The following GALNT8 variants were observed in gnomAD, a reference collection of about 807,000 sequenced individuals.
GALNT8 encodes probable polypeptide N-acetylgalactosaminyltransferase 8.
In GALNT8, 66 loss-of-function variants were observed where a neutral mutation model predicts 62.7. The ratio of observed to expected loss-of-function variants is 1.05; its 90% CI spans 0.86 to 1.29. The LOEUF is 1.29. GALNT8 is among the 50% of genes most tolerant of loss of function. The pLI is 0.00. For synonymous variants in GALNT8, 288 were observed against 294.3 expected (o/e 0.98, Z 0.22); for missense variants, 771 against 791.8 (o/e 0.97, Z 0.32).
At chr12:4,733,424 G>A (rs180758351) in intron 2 of GALNT8, among the ~76,000 whole-genome samples, 1 of 152,302 alleles carries the variant, frequency 6.6e-6, no homozygotes, top group Non-Finnish European at 1.5e-5. Flanking sequence ...ACGGATAAGA[G>A]AAGTGTCGTG....
intron 3 of GALNT8, 56 bp from the exon 4 acceptor site, chr12:4,744,461 T>C (rs1946286647): frequency 7.9e-7 from 1 of 1,268,210 alleles, no homozygotes; most frequent in African/African-American, 1.5e-5. Context: ...ATAAAACTTT[T>C]GTATCACGTT....
chr12:4,763,195 C>T, intron 7 of GALNT8, 58 bp from the exon 8 acceptor site: 4 of 1,461,698 alleles, frequency 2.7e-6, no homozygotes, highest in East Asian at 4.5e-5. Flanking sequence ...ATATTTAGTT[C>T]GCTTTAACAG....
At chr12:4,735,572 T>C in intron 2 of GALNT8, among the ~76,000 whole-genome samples, 1 of 152,158 alleles carries the variant, frequency 6.6e-6, no homozygotes, top group East Asian at 1.9e-4. Context: ...AGAGAGACAA[T>C]TGTGACTCCC....
In GALNT8 at chr12:4,726,758, G is replaced by C; in HGVS notation, c.438G>C (p.Lys146Asn). The change falls in exon 2 of 11, where the codon AAG (lysine) becomes AAC (asparagine). Residue 146 changes from lysine (K) to asparagine (N), a missense_variant. Transcript: ENST00000252318. The surrounding 1 kb of genome is among the most constrained non-coding windows in gnomAD (Gnocchi z 4.1). ...AGGCGGCCCAGGACCTCTTCCGGAA[G>C]TTTGGTTACAACGCGTACCTCAGCA... ...QQKAAQDLFR[K>N]FGYNAYLSNQ... is the part of the protein sequence containing the mutation. 2 of 1,614,090 alleles carry C rather than the reference G, an allele frequency of 1.2e-6. No individual in the cohort carries two copies. The highest frequency in any genetic ancestry group is 1.7e-6 in the Non-Finnish European group (2 of 1,180,020).
chr12:4,736,379 C>G (rs1252195531), intron 2 of GALNT8, among the ~76,000 whole-genome samples: 5 of 152,116 alleles, frequency 3.3e-5, no homozygotes, highest in Non-Finnish European at 5.9e-5. Flanking sequence ...GCTGTGCTCT[C>G]TCAGGAGTTA....
In GALNT8 at chr12:4,765,503, A is replaced by C; in HGVS notation, c.1718A>C (p.Lys573Thr). 1 of 1,612,110 alleles carries C rather than the reference A, an allele frequency of 6.2e-7. No homozygotes were observed. Among genetic ancestry groups the C allele is most frequent in the Non-Finnish European group, 8.5e-7 (1 of 1,179,822 alleles). The change falls in exon 10 of 11, where the codon AAG (lysine) becomes ACG (threonine). Residue 573 changes from lysine to threonine, a missense_variant. Physicochemically the swap from Lys to Thr is moderately conservative, Grantham distance 78 (BLOSUM62 -1). Transcript: ENST00000252318. ...AEKPTLEPCSKAAKNRLHIYW... is the reference protein window; with the variant it reads ...AEKPTLEPCSTAAKNRLHIYW... ...AAGCCCACCTTAGAACCATGCTCCA[A>C]GGCAGCTAAGAATAGACTGCATATA...
Position 4,765,484 on chromosome 12 carries a change from A to G in GALNT8, c.1699A>G (p.Thr567Ala). Residue 567 changes from threonine to alanine, a missense_variant, in exon 10 of 11, where the codon ACC becomes GCC. Coordinates refer to ENST00000252318, the MANE Select transcript of GALNT8 (RefSeq NM_017417.2). The part of the protein sequence containing the change: ...LTDPGKAEKP[T>A]LEPCSKAAKN... Reference sequence around the variant, plus strand: ...AGACCCTGGCAAGGCGGAGAAGCCCACCTTAGAACCATGCTCCAAGGCAGC... The same window carrying G: ...AGACCCTGGCAAGGCGGAGAAGCCCGCCTTAGAACCATGCTCCAAGGCAGC... 6.2e-7 allele frequency: 1 copy of G among 1,611,438 alleles called. No individual in the cohort carries two copies. The highest frequency in any genetic ancestry group is 8.5e-7 in the Non-Finnish European group (1 of 1,179,618).
intron 2 of GALNT8, among the ~76,000 whole-genome samples, chr12:4,735,304 T>C (rs989352097): frequency 3.9e-5 from 6 of 152,190 alleles, no homozygotes; most frequent in African/African-American, 1.2e-4. Flanking sequence ...ATCTACTAAA[T>C]ATCCTTCAGA....
intron 9 of GALNT8, among the ~76,000 whole-genome samples, chr12:4,764,879 A>G (rs1443536341): frequency 3.3e-5 from 5 of 150,570 alleles, no homozygotes; most frequent in Non-Finnish European, 7.4e-5. Flanking sequence ...TTTTAGGGAC[A>G]ATATTCACAT....
At chr12:4,752,018 C>T (rs1345807626) in intron 6 of GALNT8, among the ~76,000 whole-genome samples, 4 of 152,106 alleles carry the variant, frequency 2.6e-5, no homozygotes, top group Admixed American at 2.6e-4. Context: ...TTCTTTGTCT[C>T]TTCTTATAGT....
intron 10 of GALNT8, among the ~76,000 whole-genome samples, chr12:4,768,766 C>T (rs1946410744): frequency 6.6e-6 from 1 of 152,154 alleles, no homozygotes; most frequent in Admixed American, 6.5e-5. Context: ...ATCCATCTTA[C>T]CTCTTAGGTC....
chr12:4,772,444 G>C lies in GALNT8; in HGVS notation c.1762-1G>C. On this transcript the variant is annotated splice_acceptor_variant, in intron 10 of 10. Coordinates refer to ENST00000252318, the MANE Select transcript of GALNT8 (RefSeq NM_017417.2). LOFTEE classifies it high-confidence loss of function. ...TTGGCTCTGTCTCTCTTCCCCTCCAGGGAGGAGCTGTCATAAACAGAGATA... is the reference window on the plus strand; with the variant it reads ...TTGGCTCTGTCTCTCTTCCCCTCCACGGAGGAGCTGTCATAAACAGAGATA... 1 of 1,613,086 alleles carries C rather than the reference G, an allele frequency of 6.2e-7. No homozygotes were observed. The highest frequency in any genetic ancestry group is 8.5e-7 in the Non-Finnish European group (1 of 1,179,508).
intron 8 of GALNT8, 40 bp downstream of exon 8, chr12:4,763,430 G>T: frequency 1.3e-6 from 2 of 1,538,730 alleles, no homozygotes; most frequent in South Asian, 2.3e-5. Flanking sequence ...TTAAATGTTT[G>T]ACTGTGAAAG....
chr12:4,744,298 T>A (rs1946285669), intron 3 of GALNT8, among the ~76,000 whole-genome samples: 1 of 152,180 alleles, frequency 6.6e-6, no homozygotes, highest in South Asian at 2.1e-4. Flanking sequence ...ATAGTTTAAC[T>A]GTCAGGGAAA....
At chr12:4,744,021 A>G (rs1290952071) in intron 3 of GALNT8, among the ~76,000 whole-genome samples, 1 of 152,242 alleles carries the variant, frequency 6.6e-6, no homozygotes, top group Non-Finnish European at 1.5e-5. Context: ...AGAAGCTGGC[A>G]AAGAGATTAA....
At chr12:4,745,742 G>T in intron 5 of GALNT8, 116 bp downstream of exon 5, 1 of 753,866 alleles carries the variant, frequency 1.3e-6, no homozygotes, top group South Asian at 1.5e-5. Flanking sequence ...GGAGGGGAGG[G>T]GATGAGGTGA....
chr12:4,764,108 A>G (rs1341196923), intron 9 of GALNT8, 61 bp downstream of exon 9: 1 of 924,868 alleles, frequency 1.1e-6, no homozygotes, highest in Non-Finnish European at 1.8e-6. Flanking sequence ...AGCCCCTGGT[A>G]ACCATTGCTG....
chr12:4,737,495 G>A (rs929466478), intron 2 of GALNT8, among the ~76,000 whole-genome samples: 13 of 152,126 alleles, frequency 8.5e-5, no homozygotes, highest in African/African-American at 3.1e-4. Context: ...GAGAAGAGGT[G>A]AAAAGGAATC....
Position 4,749,711 on chromosome 12 carries a change from T to C in GALNT8, c.1173+3453T>C, listed in dbSNP as rs1046557927. On this transcript the variant is annotated intron_variant, in intron 6 of 10. Transcript: ENST00000252318. This position sits in a 1 kb window ranked among gnomAD's most constrained non-coding sequence, Gnocchi z 4.1. ...AGTTTGGAAATGTTCCCTCCTGTATTTTTTGGAAAAATTTAAGTAGGATTG... is the reference window on the plus strand; with the variant it reads ...AGTTTGGAAATGTTCCCTCCTGTATCTTTTGGAAAAATTTAAGTAGGATTG... Among the ~76,000 whole-genome samples, 3 of 152,096 alleles carry C rather than the reference T, an allele frequency of 2.0e-5. No homozygotes were observed. Among genetic ancestry groups the C allele is most frequent in the Non-Finnish European group, 4.4e-5 (3 of 67,992 alleles).
Sources: gnomAD v4.1 joint callset for allele counts (sites outside exome capture counted in the v4.1 genomes callset) on GRCh38, gnomAD v4.1.1 for gene constraint, Gnocchi (gnomAD v3.1) non-coding constraint, MANE v1.5 for transcripts, NCBI Gene and HGNC (gene_info 2026-07-23, HGNC 2026-07-21) for gene names.